LRRC4C: variants seen among roughly 807,000 people sequenced by gnomAD.
The protein encoded by LRRC4C is leucine-rich repeat-containing protein 4C.
LRRC4C carries 5 observed loss-of-function variants against 33.6 expected under a neutral mutation model. The observed-to-expected ratio is 0.15, with a 90% confidence interval of 0.08 to 0.31. The LOEUF (loss-of-function observed/expected upper bound fraction) is 0.31. Among genes scored for constraint, LRRC4C ranks in the 10% least tolerant of loss-of-function variants. The pLI is 1.00. For synonymous variants in LRRC4C, 329 were observed against 302.0 expected, an observed-to-expected ratio of 1.09 and a Z score of -0.93; for missense variants, 560 against 796.7, an observed-to-expected ratio of 0.70 and a Z score of 3.58.
At chr11:40,879,084 G>T (rs1046291407) in intron 2 of LRRC4C, among the ~76,000 whole-genome samples, 3 of 152,164 alleles carry the variant, frequency 2.0e-5, no homozygotes, top group African/African-American at 7.2e-5. Flanking sequence ...TCTCAATAGT[G>T]TTCTTGTACA....
At chr11:40,444,749 C>A (rs1951554913) in intron 3 of LRRC4C, among the ~76,000 whole-genome samples, 4 of 152,174 alleles carry the variant, frequency 2.6e-5, no homozygotes, top group Admixed American at 2.0e-4. Flanking sequence ...ACACAAGATT[C>A]TTTCCTATGT....
intron 1 of LRRC4C, among the ~76,000 whole-genome samples, chr11:41,022,389 T>C (rs1409147406): frequency 6.6e-6 from 1 of 151,844 alleles, no homozygotes; most frequent in African/African-American, 2.4e-5. Context: ...GCTCTGGCAG[T>C]ACCTGGGTTA....
chr11:41,001,780 T>C (rs1361123547), intron 1 of LRRC4C, among the ~76,000 whole-genome samples: 1 of 152,148 alleles, frequency 6.6e-6, no homozygotes, highest in African/African-American at 2.4e-5. Flanking sequence ...GAACATGGAT[T>C]AGGCAATGCC....
At chr11:40,645,570 C>T (rs1351567448) in intron 3 of LRRC4C, among the ~76,000 whole-genome samples, 1 of 152,158 alleles carries the variant, frequency 6.6e-6, no homozygotes, top group Non-Finnish European at 1.5e-5. Context: ...GCAGTTGGTT[C>T]TATTTTATAC....
chr11:40,524,449 A>G (rs1426248463), intron 3 of LRRC4C, among the ~76,000 whole-genome samples: 1 of 152,226 alleles, frequency 6.6e-6, no homozygotes, highest in Non-Finnish European at 1.5e-5. Flanking sequence ...GAACACATAT[A>G]TGTCCTCTAT....
At chr11:41,050,161 A>G (rs1395973872) in intron 1 of LRRC4C, among the ~76,000 whole-genome samples, 1 of 152,158 alleles carries the variant, frequency 6.6e-6, no homozygotes, top group Non-Finnish European at 1.5e-5. Context: ...ACTCAGAACT[A>G]ATTTTGAATT....
At chr11:41,203,114 G>A (rs1213459056) in intron 1 of LRRC4C, among the ~76,000 whole-genome samples, 2 of 152,108 alleles carry the variant, frequency 1.3e-5, no homozygotes, top group African/African-American at 4.8e-5. Context: ...TCAGTTTCTT[G>A]GGCTGTGTTC....
At chr11:40,630,762 A>T (rs1016125889) in intron 3 of LRRC4C, among the ~76,000 whole-genome samples, 1 of 152,152 alleles carries the variant, frequency 6.6e-6, no homozygotes, top group African/African-American at 2.4e-5. Context: ...GCTTTTCAAA[A>T]TTTAAAGTGA....
intron 1 of LRRC4C, among the ~76,000 whole-genome samples, chr11:41,325,170 T>G (rs1285533127): frequency 1.3e-5 from 2 of 152,182 alleles, no homozygotes; most frequent in Non-Finnish European, 2.9e-5. Context: ...CTTTCTTTTT[T>G]TAAAAACTGG....
At chr11:40,600,722 C>T (rs185115365) in intron 3 of LRRC4C, among the ~76,000 whole-genome samples, 24 of 152,204 alleles carry the variant, frequency 1.6e-4, no homozygotes, top group Non-Finnish European at 2.8e-4. Flanking sequence ...AACAAAGAAA[C>T]ATTATTAGAA....
At chr11:40,349,964 T>G (rs1947311812) in intron 3 of LRRC4C, among the ~76,000 whole-genome samples, 1 of 152,166 alleles carries the variant, frequency 6.6e-6, no homozygotes, top group Non-Finnish European at 1.5e-5. Flanking sequence ...TTGAGTTGTT[T>G]GACCTCCTTA....
At chr11:40,310,339 A>AC (rs899064015) in intron 4 of LRRC4C, among the ~76,000 whole-genome samples, 9 of 152,216 alleles carry the variant, frequency 5.9e-5, no homozygotes, top group African/African-American at 1.9e-4. Flanking sequence ...ATGAATCAGA[A>AC]CCCCAAAGTA....
chr11:41,095,212 C>A (rs1940731859), intron 1 of LRRC4C, among the ~76,000 whole-genome samples: 1 of 152,094 alleles, frequency 6.6e-6, no homozygotes, highest in Non-Finnish European at 1.5e-5. Context: ...AGAGAGCGCA[C>A]AACGAGCAAG....
intron 3 of LRRC4C, among the ~76,000 whole-genome samples, chr11:40,321,706 G>A (rs1359245355): frequency 3.9e-5 from 6 of 152,180 alleles, no homozygotes; most frequent in Non-Finnish European, 7.3e-5. Context: ...GATTCTATCA[G>A]ATCGATTGTA....
chr11:40,411,707 GT>G, intron 3 of LRRC4C, among the ~76,000 whole-genome samples: 1 of 152,084 alleles, frequency 6.6e-6, no homozygotes, highest in South Asian at 2.1e-4. Flanking sequence ...TAAGATTACT[GT>G]AATTATAGTT....
chr11:40,556,365 G>T (rs1363585230), intron 3 of LRRC4C, among the ~76,000 whole-genome samples: 1 of 152,172 alleles, frequency 6.6e-6, no homozygotes, highest in African/African-American at 2.4e-5. Flanking sequence ...AATCAGCAAG[G>T]CTGAAAAACT....
intron 3 of LRRC4C, among the ~76,000 whole-genome samples, chr11:40,633,575 G>A (rs1963704345): frequency 6.6e-6 from 1 of 151,608 alleles, no homozygotes; most frequent in African/African-American, 2.4e-5. Flanking sequence ...TTTTAGTAGA[G>A]ACAGGGTTTC....
chr11:41,372,838 A>G (rs1002571655), intron 1 of LRRC4C, among the ~76,000 whole-genome samples: 8 of 151,558 alleles, frequency 5.3e-5, no homozygotes, highest in African/African-American at 1.9e-4. Flanking sequence ...AATCTAATAT[A>G]TTCCAGAAGA....
intron 1 of LRRC4C, among the ~76,000 whole-genome samples, chr11:41,267,143 T>C (rs1252719463): frequency 6.6e-6 from 1 of 152,106 alleles, no homozygotes; most frequent in Non-Finnish European, 1.5e-5. Flanking sequence ...CTGAGAAGTA[T>C]TATAAGATAA....
Sources: allele counts gnomAD v4.1 joint callset (sites outside exome capture counted in the v4.1 genomes callset), GRCh38; gene constraint gnomAD v4.1.1; transcripts MANE v1.5; gene names NCBI Gene and HGNC (gene_info 2026-07-23, HGNC 2026-07-21).